Variants in FRYL observed in about 807,000 individuals in gnomAD.
FRYL encodes the protein FRY like transcription coactivator, also known as protein furry homolog-like.
In FRYL, 150 loss-of-function variants were observed where a neutral mutation model predicts 351.2. That is an observed-to-expected ratio of 0.43 (90% CI 0.37 to 0.49). FRYL has a LOEUF of 0.49. Among genes scored for constraint, FRYL ranks in the 20% least tolerant of loss-of-function variants. The pLI, the probability that FRYL is intolerant of heterozygous loss-of-function variation, is 0.00. For synonymous variants in FRYL, 1,153 were observed against 1,257.1 expected (o/e 0.92, Z 1.75); for missense variants, 3,036 against 3,619.3 (o/e 0.84, Z 4.13).
At position 48,576,083 on chromosome 4, in the gene FRYL, G is replaced by C. The variant is rs376571442; in HGVS notation, c.2668C>G (p.Pro890Ala). 1 of 1,613,746 alleles carries C rather than the reference G, an allele frequency of 6.2e-7. No individual in the cohort carries two copies. The highest frequency in any genetic ancestry group is 2.2e-5 in the East Asian group (1 of 44,824). Residue 890 changes from proline (P) to alanine (A), a missense_variant, in exon 24 of 64, where the codon CCT (proline) becomes GCT (alanine). This residue lies in a region of FRYL where 492 missense variants were observed against 551.5 expected (regional missense o/e 0.89). Transcript: ENST00000358350. The part of the protein sequence containing the change: ...STSAGSVRCS[P>A]PETLASTPDS... ...GGGGTAGACGCCAGCGTCTCAGGAG[G>C]AGAACATCTCACAGAACCTGCAGAT... is the stretch of plus-strand genomic sequence containing the variant.
At chr4:48,779,716 G>A (rs192583841) in intron 1 of FRYL, among the ~76,000 whole-genome samples, 141 of 152,018 alleles carry the variant, frequency 9.3e-4, no homozygotes, top group African/African-American at 3.1e-3. Context: ...CGAGAAGGCG[G>A]CGCGCGAGGG....
chr4:48,502,176 G>A (rs900094359), intron 61 of FRYL, among the ~76,000 whole-genome samples: 4 of 152,144 alleles, frequency 2.6e-5, no homozygotes, highest in African/African-American at 9.7e-5. Flanking sequence ...AGTAAGAAAA[G>A]CTGTCTTTTA....
rs140935503 is a variant in FRYL at position 48,500,848 on chromosome 4, G to A, written c.8593-628C>T. ...GCCTGTAATCCCAGCACTTTGGCAGGCCAAGGCAGTGGGTCACCTGAGGTC... is the reference window on the plus strand; with the variant it reads ...GCCTGTAATCCCAGCACTTTGGCAGACCAAGGCAGTGGGTCACCTGAGGTC... On this transcript the variant is annotated intron_variant, in intron 62 of 63. Transcript: ENST00000358350. Among the ~76,000 whole-genome samples, 156 of 152,270 alleles carry A rather than the reference G, an allele frequency of 1.0e-3. 1 individual carries two copies. Among genetic ancestry groups the A allele is most frequent in the African/African-American group, 3.6e-3 (151 of 41,540 alleles).
At chr4:48,773,561 A>G (rs1775728622) in intron 1 of FRYL, among the ~76,000 whole-genome samples, 1 of 152,208 alleles carries the variant, frequency 6.6e-6, no homozygotes, top group African/African-American at 2.4e-5. Context: ...AATGAGTCTA[A>G]TGGTTTTCAT....
At chr4:48,587,646 C>T (rs754562579) in intron 18 of FRYL, among the ~76,000 whole-genome samples, 8 of 152,036 alleles carry the variant, frequency 5.3e-5, no homozygotes, top group South Asian at 2.1e-4. Context: ...CGGGTTCAGG[C>T]GATTCTCCTG....
At chr4:48,712,257 A>T (rs1201900756) in intron 1 of FRYL, among the ~76,000 whole-genome samples, 1 of 152,220 alleles carries the variant, frequency 6.6e-6, no homozygotes, top group Non-Finnish European at 1.5e-5. Flanking sequence ...GCTTCAGACG[A>T]TCAAACTACT....
At chr4:48,639,360 T>C (rs914505673) in intron 3 of FRYL, among the ~76,000 whole-genome samples, 12 of 152,040 alleles carry the variant, frequency 7.9e-5, no homozygotes, top group African/African-American at 2.2e-4. Flanking sequence ...TGGTATAGAA[T>C]AGAGAGCCCA....
rs549207813 is a variant in FRYL at position 48,623,199 on chromosome 4, A to C, written c.121-20T>G. On this transcript the variant is annotated intron_variant, in intron 4 of 63. Transcript: ENST00000358350. ...CTTCTCCTATGATTAAAAAAAACAA[A>C]CATTAAAAATAAAAATAAAGCACAA... The C allele has an allele frequency of 4.7e-6, 6 of 1,277,032 alleles. No homozygotes were observed. The Admixed American group carries it at 9.5e-5, about 20-fold the overall frequency. 79.1% of individuals were successfully genotyped at this position (1,277,032 alleles called of 1,614,324 possible).
intron 24 of FRYL, 148 bp from the exon 25 acceptor site, chr4:48,575,389 A>G: frequency 1.2e-6 from 1 of 811,428 alleles, no homozygotes; most frequent in Non-Finnish European, 1.9e-6. Context: ...TGGGGTGTAC[A>G]TAACTTAAAA....
intron 10 of FRYL, among the ~76,000 whole-genome samples, chr4:48,606,097 G>GAAA (rs59467789): frequency 7.0e-5 from 4 of 57,542 alleles, no homozygotes; most frequent in African/African-American, 1.3e-4. Context: ...CTCTACTAAA[G>GAAA]AAAAAAAAAA....
At chr4:48,564,644 C>A (rs1736344941) in intron 30 of FRYL, among the ~76,000 whole-genome samples, 1 of 152,070 alleles carries the variant, frequency 6.6e-6, no homozygotes, top group Non-Finnish European at 1.5e-5. Flanking sequence ...TCAATATGTT[C>A]TATGCTGGTA....
chr4:48,580,810 G>T, intron 22 of FRYL, 55 bp downstream of exon 22: 3 of 1,065,434 alleles, frequency 2.8e-6, no homozygotes, highest in Non-Finnish European at 4.3e-6. Context: ...GTATACATAT[G>T]TGTCTGTCAT....
chr4:48,580,045 T>G (rs1459534814), intron 22 of FRYL, among the ~76,000 whole-genome samples: 2 of 122,266 alleles, frequency 1.6e-5, no homozygotes, highest in Non-Finnish European at 3.4e-5. Context: ...TTTAAAAAGT[T>G]TAGCATCATG....
At chr4:48,643,578 C>T (rs983631017) in intron 3 of FRYL, among the ~76,000 whole-genome samples, 5 of 151,882 alleles carry the variant, frequency 3.3e-5, no homozygotes, top group African/African-American at 9.7e-5. Context: ...AAAACAGAAA[C>T]TGAAGTGCTG....
Position 48,569,220 on chromosome 4 carries a change from A to C in FRYL, c.2996+1607T>G, listed in dbSNP as rs80010038. Among the ~76,000 whole-genome samples, 378 of 152,332 alleles carry C rather than the reference A, an allele frequency of 2.5e-3. 3 individuals are homozygous for C. Among genetic ancestry groups the C allele is most frequent in the Non-Finnish European group, 3.7e-3 (254 of 68,022 alleles). On this transcript the variant is annotated intron_variant, in intron 27 of 63. Transcript: ENST00000358350. ...GTGTATCAGGTTGTTAATTTTTTGC[A>C]TCAAGCCCACAAGTTTCAATTTCAC...
At chr4:48,579,537 T>G (rs1437921092) in intron 22 of FRYL, among the ~76,000 whole-genome samples, 1 of 152,146 alleles carries the variant, frequency 6.6e-6, no homozygotes, top group Non-Finnish European at 1.5e-5. Context: ...ATATCCAAAT[T>G]TCATCGTATA....
intron 1 of FRYL, among the ~76,000 whole-genome samples, chr4:48,766,485 G>A (rs1349257149): frequency 6.6e-6 from 1 of 152,150 alleles, no homozygotes; most frequent in Non-Finnish European, 1.5e-5. Flanking sequence ...GTGCAGGGAT[G>A]TGATGCAGGA....
intron 3 of FRYL, among the ~76,000 whole-genome samples, chr4:48,670,523 T>C (rs1762489208): frequency 6.6e-6 from 1 of 151,768 alleles, no homozygotes; most frequent in Non-Finnish European, 1.5e-5. Context: ...ATACTAGATG[T>C]TATTCATTCT....
chr4:48,579,341 T>C, intron 22 of FRYL, 100 bp from the exon 23 acceptor site: 2 of 908,586 alleles, frequency 2.2e-6, no homozygotes, highest in Non-Finnish European at 3.3e-6. Context: ...TAGTAGTTTC[T>C]AAAACAAGAT....
Sources: gnomAD v4.1 joint callset for allele counts (sites outside exome capture counted in the v4.1 genomes callset) on GRCh38, gnomAD v4.1.1 for gene constraint, gnomAD v4.1.1 regional missense constraint, MANE v1.5 for transcripts, NCBI Gene and HGNC (gene_info 2026-07-23, HGNC 2026-07-21) for gene names.